TMEM67: variants seen among roughly 807,000 people sequenced by gnomAD.
TMEM67 encodes meckelin.
In TMEM67, 124 loss-of-function variants were observed where a neutral mutation model predicts 136.6. The observed-to-expected ratio is 0.91, with a 90% CI of 0.78 to 1.05. The LOEUF is 1.05. TMEM67 is among the 50% of genes least tolerant of loss of function. TMEM67 has a pLI of 0.00. For synonymous variants in TMEM67, 364 were observed against 390.5 expected, an observed-to-expected ratio of 0.93 and a Z score of 0.80; for missense variants, 1,107 against 1,178.4, an observed-to-expected ratio of 0.94 and a Z score of 0.89.
Position 93,755,775 on chromosome 8 carries a change from T to TTTTTTG in TMEM67, c.224-3_224-2insTTTTTG. 7.8e-7 allele frequency: 1 copy of TTTTTTG among 1,281,724 alleles called. No individual in the cohort carries two copies. The highest frequency in any genetic ancestry group is 1.1e-6 in the Non-Finnish European group (1 of 917,214). 79.4% of individuals were successfully genotyped at this position (1,281,724 alleles called of 1,614,324 possible). A position where few individuals can be genotyped will look rare whatever the true frequency, so the allele number is the denominator to read the frequency against. On this transcript the variant is annotated splice_polypyrimidine_tract_variant and splice_region_variant and intron_variant, in intron 1 of 27. Coordinates refer to ENST00000453321, the MANE Select transcript of TMEM67 (RefSeq NM_153704.6). The stretch of plus-strand genomic sequence containing the variant: ...GCTTTTTTTTTTTTTTTTTTTTTTT[T>TTTTTTG]AGGAACTTCATGTGTATGTCTACCA...
At chr8:93,773,596 A>G (rs1813413772) in intron 7 of TMEM67, among the ~76,000 whole-genome samples, 1 of 152,200 alleles carries the variant, frequency 6.6e-6, no homozygotes, top group Admixed American at 6.5e-5. Context: ...CATGAGCTGG[A>G]TAAGGGGCAA....
chr8:93,831,359 G>A, the TMEM67 span, among the ~76,000 whole-genome samples: 9 of 152,282 alleles, frequency 5.9e-5, no homozygotes, highest in South Asian at 1.9e-3. Flanking sequence ...AACAGACATG[G>A]AACTTGTTGA....
intron 26 of TMEM67, among the ~76,000 whole-genome samples, chr8:93,813,906 G>C (rs1808798237): frequency 6.6e-6 from 1 of 152,090 alleles, no homozygotes; most frequent in Non-Finnish European, 1.5e-5. Flanking sequence ...GATTATATAT[G>C]CAAGTGTAAT....
rs35554591 is a variant in TMEM67 at position 93,799,904 on chromosome 8, C to CTT, written c.2241+166_2241+167dup. On this transcript the variant is annotated intron_variant, in intron 21 of 27. Transcript: ENST00000453321. ...CAAGAACAATAGCTAATGGTCAGTT[C>CTT]TTTTTTTTTTTTTTTTTTTTTGAAA... 8.0e-3 allele frequency: 2,766 copies of CTT among 347,266 alleles called. 75 individuals carry two copies. The highest frequency in any genetic ancestry group is 0.065 in the African/African-American group (2,193 of 33,586). The allele number at this position is 347,266 out of a possible 1,614,324, so 21.5% of individuals were successfully genotyped here.
intron 14 of TMEM67, among the ~76,000 whole-genome samples, chr8:93,789,898 C>T (rs1351707812): frequency 2.0e-5 from 3 of 151,288 alleles, no homozygotes; most frequent in Non-Finnish European, 2.9e-5. Flanking sequence ...CGGTGAAACC[C>T]TGTCTGCTAA....
intron 22 of TMEM67, among the ~76,000 whole-genome samples, chr8:93,804,068 A>C (rs1056550309): frequency 6.0e-5 from 9 of 151,006 alleles, no homozygotes; most frequent in Non-Finnish European, 1.2e-4. Context: ...TTTGGTATAG[A>C]TGGGGTTTCC....
At chr8:93,829,324 A>G in the TMEM67 span, among the ~76,000 whole-genome samples, 10 of 150,642 alleles carry the variant, frequency 6.6e-5, no homozygotes, top group African/African-American at 2.4e-4. Flanking sequence ...CTCTCACTCA[A>G]GTCTTTCCTC....
intron 7 of TMEM67, 54 bp downstream of exon 7, chr8:93,772,705 T>C (rs1431071628): frequency 1.5e-6 from 2 of 1,350,376 alleles, no homozygotes; most frequent in East Asian, 4.8e-5. Context: ...ATTATACCAT[T>C]TATTTACCCA....
chr8:93,796,993 G>C (rs767410350), intron 18 of TMEM67, 141 bp from the exon 19 acceptor site: 2 of 664,874 alleles, frequency 3.0e-6, no homozygotes, highest in Non-Finnish European at 5.4e-6. Context: ...TTCCTTAGTG[G>C]TATTATAACT....
downstream of TMEM67, among the ~76,000 whole-genome samples, chr8:93,820,583 C>T (rs1053262829): frequency 6.6e-6 from 1 of 152,158 alleles, no homozygotes; most frequent in Non-Finnish European, 1.5e-5. Flanking sequence ...CACTTACTGG[C>T]TGTGCAATTT....
chr8:93,794,486 A>G (rs914748937), intron 16 of TMEM67, among the ~76,000 whole-genome samples: 8 of 152,324 alleles, frequency 5.3e-5, no homozygotes, highest in Middle Eastern at 3.4e-3. Flanking sequence ...TTTACACGTG[A>G]TGAAATTGAG....
Position 93,798,941 on chromosome 8 carries a change from TA to T in TMEM67, c.2101-676del, listed in dbSNP as rs149100859. ...CACATCTTTTCTTTTTGTACTAAAG[TA>T]GTGTGTGTGTGTGTGTGTGTGTGTG... On this transcript the variant is annotated intron_variant, in intron 20 of 27. Coordinates refer to ENST00000453321, the MANE Select transcript of TMEM67 (RefSeq NM_153704.6). Among the ~76,000 whole-genome samples the T allele has an allele frequency of 4.9e-3, 524 of 105,874 alleles. 6 individuals are homozygous for T. Among genetic ancestry groups the T allele is most frequent in the African/African-American group, 0.019 (487 of 25,064 alleles). The allele number at this position is 105,874 out of a possible 152,430, so 69.5% of individuals were successfully genotyped here.
At chr8:93,813,896 G>A (rs972530148) in intron 26 of TMEM67, among the ~76,000 whole-genome samples, 14 of 152,134 alleles carry the variant, frequency 9.2e-5, no homozygotes, top group African/African-American at 3.4e-4. Context: ...GGTTTTTTAA[G>A]ATTATATATG....
In TMEM67 at chr8:93,755,833, T is replaced by C. The variant is rs199900812; in HGVS notation, c.279T>C (p.Pro93=). The C allele has an allele frequency of 1.3e-5, 20 of 1,592,332 alleles. No individual in the cohort carries two copies. In the Admixed American group the frequency reaches 2.5e-4, roughly 20 times the overall value. Residue 93 remains proline (P), a synonymous_variant, in exon 2 of 28, where the codon CCT becomes CCC. Coordinates refer to ENST00000453321, the MANE Select transcript of TMEM67 (RefSeq NM_153704.6). ...AGATGATCTCTAATAATGGAGGACCTGCTATTATTTGTAAAAAGTGCCCAG... is the reference window on the plus strand; with the variant it reads ...AGATGATCTCTAATAATGGAGGACCCGCTATTATTTGTAAAAAGTGCCCAG... ...GFQMISNNGG[P]AIICKKCPEN... is the part of the protein sequence containing the mutation.
At chr8:93,787,736 C>A in intron 13 of TMEM67, 108 bp from the exon 14 acceptor site, 1 of 880,576 alleles carries the variant, frequency 1.1e-6, no homozygotes, top group South Asian at 1.4e-5. Context: ...CTACTTGGTT[C>A]TGAGATCATC....
rs1274100234 is a variant in TMEM67, at chr8:93,815,296, T to C, written c.2765-9T>C. On this transcript the variant is annotated splice_polypyrimidine_tract_variant and intron_variant, in intron 26 of 27. Transcript: ENST00000453321. ...TTTCTAATTTATATTTTCTAAATTT[T>C]TTTAATAGATGAAGGTTATTCTTTC... 6.6e-7 allele frequency: 1 copy of C among 1,507,446 alleles called. No homozygotes were observed. The highest frequency in any genetic ancestry group is 2.1e-5 in the Admixed American group (1 of 47,008). The allele number at this position is 1,507,446 out of a possible 1,614,324, so 93.4% of individuals were successfully genotyped here. A position where few individuals can be genotyped will look rare whatever the true frequency, so the allele number is the denominator to read the frequency against.
At chr8:93,768,609 CAAAA>C in intron 6 of TMEM67, among the ~76,000 whole-genome samples, 1 of 151,694 alleles carries the variant, frequency 6.6e-6, no homozygotes, top group East Asian at 1.9e-4. Context: ...GACTCTGTCT[CAAAA>C]AAATAAAATA....
chr8:93,820,184 C>T (rs1364214577), downstream of TMEM67, among the ~76,000 whole-genome samples: 1 of 151,862 alleles, frequency 6.6e-6, no homozygotes, highest in Non-Finnish European at 1.5e-5. Flanking sequence ...CTGGTGCTTT[C>T]CCCCATGGCT....
intron 11 of TMEM67, 123 bp from the exon 12 acceptor site, chr8:93,785,099 A>G (rs1235930037): frequency 1.4e-6 from 1 of 725,570 alleles, no homozygotes; most frequent in Non-Finnish European, 2.3e-6. Flanking sequence ...AAAACTAGAA[A>G]AACACTCTGA....
Sources: gnomAD v4.1 joint callset for allele counts (sites outside exome capture counted in the v4.1 genomes callset) on GRCh38, gnomAD v4.1.1 for gene constraint, MANE v1.5 for transcripts, NCBI Gene and HGNC (gene_info 2026-07-23, HGNC 2026-07-21) for gene names.